PCCA: variants seen among roughly 807,000 people sequenced by gnomAD.
PCCA encodes the protein propionyl-CoA carboxylase alpha chain, mitochondrial.
Under a neutral mutation model 101.3 loss-of-function variants are expected in PCCA, and 74 were observed. The observed-to-expected ratio is 0.73, with a 90% CI of 0.61 to 0.89. The LOEUF is 0.89. PCCA is among the 40% of genes least tolerant of loss of function. The pLI is 0.00. For missense variants in PCCA, 891 were observed against 907.0 expected (o/e 0.98, Z 0.23); for synonymous variants, 294 against 313.6 (o/e 0.94, Z 0.66).
At chr13:100,391,805 A>G (rs1378797276) in intron 19 of PCCA, among the ~76,000 whole-genome samples, 1 of 152,186 alleles carries the variant, frequency 6.6e-6, no homozygotes, top group African/African-American at 2.4e-5. Flanking sequence ...AATAGAATAC[A>G]TATTTAGATC....
chr13:100,447,134 C>T (rs573623095), intron 20 of PCCA, among the ~76,000 whole-genome samples: 21 of 152,260 alleles, frequency 1.4e-4, no homozygotes, highest in Middle Eastern at 3.4e-3. Context: ...ACCTGTAATC[C>T]CAGCGCTTTG....
Position 100,286,214 on chromosome 13 carries a change from ATTTTCT to A in PCCA, c.1065+12873_1065+12878del, listed in dbSNP as rs1490619128. On this transcript the variant is annotated intron_variant, in intron 12 of 23. Coordinates refer to ENST00000376285, the MANE Select transcript of PCCA (RefSeq NM_000282.4). ...CAGAAACCTTTTTATTTTTAATAAA[ATTTTCT>A]TTTTAATTGTCAGCAAGGCAAGTTA... Among the ~76,000 whole-genome samples the A allele has an allele frequency of 2.6e-5, 4 of 152,180 alleles. No homozygotes were observed. In the South Asian group the frequency reaches 6.2e-4, roughly 24 times the overall value.
At chr13:100,234,892 A>AACAC (rs370152898) in intron 7 of PCCA, among the ~76,000 whole-genome samples, 2 of 95,282 alleles carry the variant, frequency 2.1e-5, no homozygotes, top group African/African-American at 6.0e-5. Flanking sequence ...GAATTACACA[A>AACAC]ACACACACAC....
At chr13:100,178,783 A>T (rs2152426159) in intron 6 of PCCA, among the ~76,000 whole-genome samples, 3 of 152,224 alleles carry the variant, frequency 2.0e-5, no homozygotes, top group African/African-American at 7.2e-5. Context: ...TTTTTAATTA[A>T]TTAAAATGTG....
chr13:100,113,869 A>G (rs1054557392), intron 4 of PCCA, among the ~76,000 whole-genome samples: 3 of 152,112 alleles, frequency 2.0e-5, no homozygotes, highest in African/African-American at 7.2e-5. Flanking sequence ...GTGAGCCACC[A>G]CGCCCGGTTT....
At chr13:100,347,120 C>T (rs2072381623) in intron 18 of PCCA, among the ~76,000 whole-genome samples, 1 of 152,198 alleles carries the variant, frequency 6.6e-6, no homozygotes, top group Admixed American at 6.5e-5. Flanking sequence ...TGTGATCCGC[C>T]TGCCTCGGCC....
chr13:100,282,140 TGTAG>T (rs954724461), intron 12 of PCCA, among the ~76,000 whole-genome samples: 10 of 152,228 alleles, frequency 6.6e-5, no homozygotes, highest in African/African-American at 2.2e-4. Flanking sequence ...CTTATTGATG[TGTAG>T]GTATTTGCTT....
Position 100,474,742 on chromosome 13 carries a change from G to T in PCCA, c.1899+25437G>T, listed in dbSNP as rs574428403. On this transcript the variant is annotated intron_variant, in intron 21 of 23. Transcript: ENST00000376285. ...AGTCTCAAGCGATCCTCCCACCTTG[G>T]CCTCCCAAAGTGCTAGGTGTGAGCC... Among the ~76,000 whole-genome samples, 33 of 151,924 alleles carry T rather than the reference G, an allele frequency of 2.2e-4. No individual in the cohort carries two copies. The South Asian group carries it at 6.7e-3, about 31-fold the overall frequency.
intron 18 of PCCA, among the ~76,000 whole-genome samples, chr13:100,358,538 A>G (rs1354167185): frequency 2.6e-5 from 4 of 152,356 alleles, no homozygotes; most frequent in East Asian, 1.9e-4. Context: ...TGGAAATTCC[A>G]TATCTAAAAT....
In PCCA at chr13:100,135,889, A is replaced by G. The variant is rs74116313; in HGVS notation, c.301-19090A>G. Among the ~76,000 whole-genome samples, 1,184 of 152,258 alleles carry G rather than the reference A, an allele frequency of 7.8e-3. 14 individuals carry two copies. Among genetic ancestry groups the G allele is most frequent in the African/African-American group, 0.027 (1,130 of 41,534 alleles). On this transcript the variant is annotated intron_variant, in intron 4 of 23. Transcript: ENST00000376285. ...TGTTGTCTTACACTTTTCCTAAATCAATTGATATGATCATGTGGGGTTTTT... is the reference window on the plus strand; with the variant it reads ...TGTTGTCTTACACTTTTCCTAAATCGATTGATATGATCATGTGGGGTTTTT...
intron 19 of PCCA, among the ~76,000 whole-genome samples, chr13:100,395,882 C>T (rs1233475323): frequency 2.6e-5 from 4 of 152,136 alleles, no homozygotes; most frequent in East Asian, 1.9e-4. Context: ...ACAGCAATCA[C>T]GTTTTTTATC....
chr13:100,438,625 G>T (rs1053650668), intron 20 of PCCA, among the ~76,000 whole-genome samples: 1 of 151,760 alleles, frequency 6.6e-6, no homozygotes, highest in Non-Finnish European at 1.5e-5. Context: ...TGTAGAGCAC[G>T]TACACCCTTT....
At chr13:100,243,621 T>G (rs2061278647) in intron 8 of PCCA, among the ~76,000 whole-genome samples, 1 of 152,246 alleles carries the variant, frequency 6.6e-6, no homozygotes, top group South Asian at 2.1e-4. Context: ...AATAGAAATT[T>G]ATAGGAATCT....
chr13:100,362,781 G>A (rs1293308002), intron 18 of PCCA, among the ~76,000 whole-genome samples: 2 of 152,148 alleles, frequency 1.3e-5, no homozygotes, highest in African/African-American at 4.8e-5. Flanking sequence ...AAACTTGGGG[G>A]TGTTCCCTGT....
At chr13:100,159,799 A>G (rs1243018165) in intron 6 of PCCA, among the ~76,000 whole-genome samples, 2 of 150,094 alleles carry the variant, frequency 1.3e-5, no homozygotes, top group African/African-American at 4.9e-5. Flanking sequence ...TGCTTTCCTC[A>G]CTCTCTCTGG....
At chr13:100,299,279 A>G (rs1456258860) in intron 12 of PCCA, among the ~76,000 whole-genome samples, 2 of 152,184 alleles carry the variant, frequency 1.3e-5, no homozygotes, top group Non-Finnish European at 2.9e-5. Flanking sequence ...AGTGGATCTG[A>G]TGTACTTATT....
chr13:100,370,514 A>G (rs2075510688), intron 19 of PCCA, among the ~76,000 whole-genome samples: 2 of 152,184 alleles, frequency 1.3e-5, no homozygotes, highest in African/African-American at 4.8e-5. Context: ...GGCTGTTTTT[A>G]AAACACATCA....
chr13:100,483,562 C>G (rs150457289), intron 21 of PCCA, among the ~76,000 whole-genome samples: 201 of 152,336 alleles, frequency 1.3e-3, no homozygotes, highest in African/African-American at 4.4e-3. Flanking sequence ...CTATACCGCC[C>G]TCTTGGTCTT....
At chr13:100,125,064 G>A (rs1355521133) in intron 4 of PCCA, among the ~76,000 whole-genome samples, 2 of 152,068 alleles carry the variant, frequency 1.3e-5, no homozygotes, top group Admixed American at 6.6e-5. Flanking sequence ...TCAAATAGGA[G>A]CAAATGACTA....
Sources: gnomAD v4.1 joint callset for allele counts (sites outside exome capture counted in the v4.1 genomes callset) on GRCh38, gnomAD v4.1.1 for gene constraint, MANE v1.5 for transcripts, NCBI Gene and HGNC (gene_info 2026-07-23, HGNC 2026-07-21) for gene names.